SPTBN1: variants seen among roughly 807,000 people sequenced by gnomAD.
SPTBN1 encodes spectrin beta chain, non-erythrocytic 1.
SPTBN1 carries 32 observed loss-of-function variants against 266.4 expected under a neutral mutation model. The observed-to-expected ratio is 0.12, with a 90% CI of 0.09 to 0.16. The LOEUF is 0.16. Among genes scored for constraint, SPTBN1 ranks in the 10% least tolerant of loss-of-function variants. SPTBN1 has a pLI of 1.00. For synonymous variants in SPTBN1, 1,336 were observed against 1,162.2 expected (o/e 1.15, Z -3.04); for missense variants, 2,296 against 3,067.1 (o/e 0.75, Z 5.94).
intron 1 of SPTBN1, among the ~76,000 whole-genome samples, chr2:54,508,683 G>A (rs369635183): frequency 6.6e-6 from 1 of 152,180 alleles, no homozygotes; most frequent in East Asian, 1.9e-4. Flanking sequence ...CAGCGAGGGA[G>A]TAGGTGGGAG....
intron 17 of SPTBN1, 43 bp from the exon 18 acceptor site, chr2:54,637,670 C>G (rs757584383): frequency 1.4e-6 from 2 of 1,463,530 alleles, no homozygotes; most frequent in African/African-American, 1.4e-5. Flanking sequence ...TCAAGATTCT[C>G]TACTTCCTTT....
At chr2:54,542,736 G>A (rs1431254417) in intron 2 of SPTBN1, among the ~76,000 whole-genome samples, 1 of 152,128 alleles carries the variant, frequency 6.6e-6, no homozygotes, top group Non-Finnish European at 1.5e-5. Context: ...GAGAAAGCAG[G>A]GCCTTTTCAA....
In SPTBN1 at chr2:54,503,481, C is replaced by G. The variant is rs559794709; in HGVS notation, c.-47-22891C>G. 6.6e-5 allele frequency among the ~76,000 whole-genome samples: 10 copies of G among 152,266 alleles called. No homozygotes were observed. In the South Asian group the frequency reaches 1.0e-3, roughly 16 times the overall value. On this transcript the variant is annotated intron_variant, in intron 1 of 35. Coordinates refer to ENST00000356805, the MANE Select transcript of SPTBN1 (RefSeq NM_003128.3). ...TCTCTTTGACACTGGCTGTCTCACC[C>G]AGCACCTACACTCTTGAAAATCTGA... is the stretch of plus-strand genomic sequence containing the variant.
At chr2:54,564,438 C>T (rs1673535162) in intron 2 of SPTBN1, among the ~76,000 whole-genome samples, 1 of 152,178 alleles carries the variant, frequency 6.6e-6, no homozygotes. Context: ...CTTTTCATGG[C>T]TTCCTAAAGT....
intron 2 of SPTBN1, among the ~76,000 whole-genome samples, chr2:54,591,347 C>G (rs2104626227): frequency 6.6e-6 from 1 of 152,092 alleles, no homozygotes; most frequent in Non-Finnish European, 1.5e-5. Context: ...CCTGTAATTC[C>G]TTTCTTTCTT....
At chr2:54,527,194 A>G (rs1038654340) in intron 2 of SPTBN1, 2 of 152,224 alleles carry the variant, frequency 1.3e-5, no homozygotes, top group African/African-American at 4.8e-5. Flanking sequence ...AAAATCAGGA[A>G]AGCGTTCTGT....
intron 2 of SPTBN1, among the ~76,000 whole-genome samples, chr2:54,586,805 C>A (rs1320840232): frequency 6.6e-6 from 1 of 152,120 alleles, no homozygotes; most frequent in Non-Finnish European, 1.5e-5. Context: ...CTGTCAAGAA[C>A]GGCTGGAATT....
chr2:54,633,467 G>T (rs879782281), intron 17 of SPTBN1, among the ~76,000 whole-genome samples: 1 of 151,484 alleles, frequency 6.6e-6, no homozygotes, highest in African/African-American at 2.4e-5. Context: ...TTTCCTCCCC[G>T]GCTGGAGGCC....
rs1681642169 is a variant in SPTBN1, at chr2:54,670,209, A to G, written c.*1640A>G. 6.5e-6 allele frequency: 1 copy of G among 152,700 alleles called. No individual in the cohort carries two copies. Among genetic ancestry groups the G allele is most frequent in the African/African-American group, 2.4e-5 (1 of 41,422 alleles). 9.5% of individuals were successfully genotyped at this position (152,700 alleles called of 1,614,324 possible). ...TTTTATACAGATCAGACCAAAAAGA[A>G]GAAAAAAAAAAAACAGGCAAGAGGT... is the stretch of plus-strand genomic sequence containing the variant. On this transcript the variant is annotated 3_prime_UTR_variant, in exon 36 of 36. Transcript: ENST00000356805.
At chr2:54,576,972 G>T (rs1674528643) in intron 2 of SPTBN1, among the ~76,000 whole-genome samples, 2 of 152,292 alleles carry the variant, frequency 1.3e-5, no homozygotes, top group South Asian at 4.2e-4. Flanking sequence ...TGGGTGCTTG[G>T]GGGTAGGGGT....
intron 27 of SPTBN1, among the ~76,000 whole-genome samples, chr2:54,654,840 C>A (rs1249814685): frequency 1.3e-5 from 2 of 152,216 alleles, no homozygotes; most frequent in Admixed American, 1.3e-4. Flanking sequence ...CACACAAAAA[C>A]AAAAGCAGCC....
intron 2 of SPTBN1, among the ~76,000 whole-genome samples, chr2:54,566,185 C>CTTTTT (rs59369956): frequency 3.6e-4 from 45 of 125,200 alleles, no homozygotes; most frequent in South Asian, 5.1e-4. Context: ...TTTCTTTTTT[C>CTTTTT]TTTTTTTTTT....
intron 1 of SPTBN1, among the ~76,000 whole-genome samples, chr2:54,472,674 A>G (rs1484683762): frequency 6.6e-6 from 1 of 151,828 alleles, no homozygotes; most frequent in Non-Finnish European, 1.5e-5. Context: ...TGGTGATGTG[A>G]TCAAGGTTGC....
chr2:54,577,179 CTGATGTTGGTTAAA>C (rs1294314894), intron 2 of SPTBN1, among the ~76,000 whole-genome samples: 62 of 152,152 alleles, frequency 4.1e-4, no homozygotes, highest in African/African-American at 1.4e-3. Context: ...TGCTTAGCAG[CTGATGTTGGTTAAA>C]TGACCTTGGA....
intron 2 of SPTBN1, among the ~76,000 whole-genome samples, chr2:54,543,758 A>G (rs1672073451): frequency 6.6e-6 from 1 of 152,214 alleles, no homozygotes; most frequent in African/African-American, 2.4e-5. Flanking sequence ...AAAATATTTT[A>G]AACTTTTGAT....
chr2:54,482,357 GAAA>G (rs66491029), intron 1 of SPTBN1, among the ~76,000 whole-genome samples: 1 of 143,326 alleles, frequency 7.0e-6, no homozygotes, highest in African/African-American at 2.6e-5. Flanking sequence ...TCTACAGCAG[GAAA>G]AAAAAAAAAA....
Position 54,558,070 on chromosome 2 carries a change from T to C in SPTBN1, c.148+31504T>C, listed in dbSNP as rs1235267496. On this transcript the variant is annotated intron_variant, in intron 2 of 35. Coordinates refer to ENST00000356805, the MANE Select transcript of SPTBN1 (RefSeq NM_003128.3). The surrounding 1 kb of genome is among the most constrained non-coding windows in gnomAD (Gnocchi z 4.6). ...CCGTGGGCGCGCTAGCCTTTTCAAGTGATAGTAATCGGAGACTTTTCCGTT... is the reference window on the plus strand; with the variant it reads ...CCGTGGGCGCGCTAGCCTTTTCAAGCGATAGTAATCGGAGACTTTTCCGTT... 1 of 985,284 alleles carries C rather than the reference T, an allele frequency of 1.0e-6. No individual in the cohort carries two copies. The highest frequency in any genetic ancestry group is 1.2e-6 in the Non-Finnish European group (1 of 829,916). The allele number at this position is 985,284 out of a possible 1,614,324, so 61.0% of individuals were successfully genotyped here.
intron 31 of SPTBN1, among the ~76,000 whole-genome samples, chr2:54,659,487 G>A (rs928342181): frequency 6.6e-6 from 1 of 152,202 alleles, no homozygotes; most frequent in Non-Finnish European, 1.5e-5. Flanking sequence ...GAAGTAGAAT[G>A]TAGACAGTGC....
chr2:54,477,725 A>C (rs780022066), intron 1 of SPTBN1, among the ~76,000 whole-genome samples: 4 of 152,234 alleles, frequency 2.6e-5, no homozygotes, highest in African/African-American at 4.8e-5. Context: ...CAGCCTGGCT[A>C]ATATGGTGAA....
Sources: allele counts gnomAD v4.1 joint callset (sites outside exome capture counted in the v4.1 genomes callset), GRCh38; gene constraint gnomAD v4.1.1; non-coding constraint Gnocchi (gnomAD v3.1); transcripts MANE v1.5; gene names NCBI Gene and HGNC (gene_info 2026-07-23, HGNC 2026-07-21).